Variants in DNAH10 observed in about 807,000 individuals in gnomAD.
The protein encoded by DNAH10 is axonemal beta dynein heavy chain 10.
DNAH10 carries 348 observed loss-of-function variants against 506.6 expected under a neutral mutation model. That is an observed-to-expected ratio of 0.69 (90% CI 0.63 to 0.75). DNAH10 has a LOEUF of 0.75. Among genes scored for constraint, DNAH10 ranks in the 30% least tolerant of loss-of-function variants. The probability of loss-of-function intolerance (pLI) is 0.00; values close to 1 mark genes in which losing one functional copy is unlikely to be tolerated. For synonymous variants in DNAH10, 2,059 were observed against 2,198.6 expected (o/e 0.94, Z 1.78); for missense variants, 5,179 against 5,787.1 (o/e 0.89, Z 3.41).
intron 72 of DNAH10, chr12:123,930,078 T>C (rs985420281): frequency 1.9e-6 from 1 of 521,254 alleles, no homozygotes; most frequent in Admixed American, 3.7e-5. Context: ...GGCAGTGACA[T>C]CAATTCCAAA....
rs1166969784 is a variant in DNAH10, at chr12:123,918,718, A to G, written c.11275A>G (p.Ile3759Val). 4 of 1,591,938 alleles carry G rather than the reference A, an allele frequency of 2.5e-6. No individual in the cohort carries two copies. The highest frequency in any genetic ancestry group is 3.4e-6 in the Non-Finnish European group (4 of 1,165,046). ...LKLAEKTALD[I>V]DRLRDGYRPA... ...GCTGGCGGAGAAGACAGCCTTGGAC[A>G]TCGACAGGCTGCGGGATGGCTACCG... The change falls in exon 65 of 79, where the codon ATC becomes GTC. Residue 3759 changes from isoleucine to valine, a missense_variant. By Grantham distance (29) the Ile-to-Val change is conservative (BLOSUM62 3). Transcript: ENST00000673944.
Position 123,803,719 on chromosome 12 carries a change from C to A in DNAH10, c.2673C>A (p.Val891=). ...CCATTGGGAAATTTGAGTCTCTCGTCCACCAGATTCATAAGAATGCAGATG... is the reference window on the plus strand; with the variant it reads ...CCATTGGGAAATTTGAGTCTCTCGTACACCAGATTCATAAGAATGCAGATG... The part of the protein sequence containing the change: ...KQAIGKFESL[V]HQIHKNADDI... The change falls in exon 17 of 79, where the codon GTC becomes GTA. Residue 891 remains valine (V), a synonymous_variant. Transcript: ENST00000673944. The A allele has an allele frequency of 6.2e-7, 1 of 1,611,126 alleles. No individual in the cohort carries two copies. Among genetic ancestry groups the A allele is most frequent in the South Asian group, 1.1e-5 (1 of 90,490 alleles).
chr12:123,898,107 G>A, intron 55 of DNAH10, 140 bp downstream of exon 55: 1 of 825,772 alleles, frequency 1.2e-6, no homozygotes, highest in Non-Finnish European at 1.8e-6. Context: ...TTGTGTCTTG[G>A]AGCGATTCTT....
chr12:123,868,964 T>C (rs1483617479), intron 43 of DNAH10, among the ~76,000 whole-genome samples: 1 of 152,210 alleles, frequency 6.6e-6, no homozygotes, highest in African/African-American at 2.4e-5. Flanking sequence ...CATCTGCAAT[T>C]CCCTCACTCG....
At chr12:123,829,732 A>G (rs551377167) in intron 25 of DNAH10, among the ~76,000 whole-genome samples, 11 of 151,262 alleles carry the variant, frequency 7.3e-5, no homozygotes, top group Middle Eastern at 6.8e-3. Context: ...GTGTGTTTAC[A>G]ACACTCAGTG....
In DNAH10 at chr12:123,932,093, C is replaced by T. The variant is rs149280453; in HGVS notation, c.13281C>T (p.Ser4427=). 395 of 1,613,748 alleles carry T rather than the reference C, an allele frequency of 2.4e-4. 4 individuals are homozygous for T. Among genetic ancestry groups the T allele is most frequent in the South Asian group, 2.3e-3 (213 of 91,060 alleles). ...TGGTCTACTTCCTGCGGCGGTTCAG[C>T]CAGTACATGTTGTGGGTAAGTGGCA... ...NWMVYFLRRF[S]QYMLWVTESE... Residue 4427 remains serine (S), a synonymous_variant, in exon 76 of 79, where the codon AGC becomes AGT. Coordinates refer to ENST00000673944, the MANE Select transcript of DNAH10 (RefSeq NM_001372106.1).
At chr12:123,837,955 T>C (rs1231857696) in intron 28 of DNAH10, among the ~76,000 whole-genome samples, 2 of 152,146 alleles carry the variant, frequency 1.3e-5, no homozygotes, top group African/African-American at 4.8e-5. Context: ...TTTCAATAAA[T>C]AAACATTGAA....
Position 123,805,934 on chromosome 12 carries a change from G to A in DNAH10, c.2987+894G>A, listed in dbSNP as rs560187010. On this transcript the variant is annotated intron_variant, in intron 18 of 78. Coordinates refer to ENST00000673944, the MANE Select transcript of DNAH10 (RefSeq NM_001372106.1). ...TGGGACTACAGGCGCCCACCACTAC[G>A]CCTGGCTAGTTTTTTGTATTTTTAG... Among the ~76,000 whole-genome samples the A allele has an allele frequency of 5.3e-4, 81 of 151,928 alleles. 2 individuals are homozygous for A. Among genetic ancestry groups the A allele is most frequent in the East Asian group, 7.7e-4 (4 of 5,164 alleles).
At chr12:123,921,543 C>T (rs191308272) in intron 65 of DNAH10, among the ~76,000 whole-genome samples, 4 of 152,256 alleles carry the variant, frequency 2.6e-5, no homozygotes, top group African/African-American at 7.2e-5. Context: ...TATTCACCCA[C>T]ACTTCCAAAG....
At chr12:123,771,955 CACAGG>C (rs1957269260) in intron 3 of DNAH10, among the ~76,000 whole-genome samples, 1 of 152,212 alleles carries the variant, frequency 6.6e-6, no homozygotes, top group Non-Finnish European at 1.5e-5. Flanking sequence ...AAAAAACGTG[CACAGG>C]ACAGAGACCA....
At chr12:123,792,212 C>A (rs1342533391) in intron 11 of DNAH10, among the ~76,000 whole-genome samples, 2 of 152,128 alleles carry the variant, frequency 1.3e-5, no homozygotes, top group Non-Finnish European at 2.9e-5. Context: ...AACTACAATA[C>A]CTTTCTTGGC....
intron 16 of DNAH10, among the ~76,000 whole-genome samples, chr12:123,803,140 A>G (rs578257682): frequency 4.3e-4 from 65 of 152,308 alleles, no homozygotes; most frequent in African/African-American, 1.4e-3. Context: ...AAGTCGAAGA[A>G]TCATAAGTTT....
At chr12:123,767,739 C>G (rs756429686) in intron 2 of DNAH10, 50 bp downstream of exon 2, 2 of 1,523,122 alleles carry the variant, frequency 1.3e-6, no homozygotes, top group East Asian at 4.7e-5. Flanking sequence ...AAAGCCCCCC[C>G]GCAGCGGGAG....
At chr12:123,796,624 T>C in intron 12 of DNAH10, 32 bp from the exon 13 acceptor site, 1 of 1,556,572 alleles carries the variant, frequency 6.4e-7, no homozygotes, top group Non-Finnish European at 8.7e-7. Flanking sequence ...GCGATGTTTA[T>C]CACTTACAGA....
At position 123,804,737 on chromosome 12, in the gene DNAH10, G is replaced by T. The variant is rs79641926; in HGVS notation, c.2780-96G>T. The T allele has an allele frequency of 0.035, 46,511 of 1,320,670 alleles. 950 individuals carry two copies. Among genetic ancestry groups the T allele is most frequent in the Middle Eastern group, 0.05 (183 of 3,670 alleles). The allele number at this position is 1,320,670 out of a possible 1,614,324, so 81.8% of individuals were successfully genotyped here. On this transcript the variant is annotated intron_variant, in intron 17 of 78. Coordinates refer to ENST00000673944, the MANE Select transcript of DNAH10 (RefSeq NM_001372106.1). ...GGGCTGAGGTTGGAGGCTGGTTTTGGTTTTTTTAAGACACACAGCTCATGT... is the reference window on the plus strand; with the variant it reads ...GGGCTGAGGTTGGAGGCTGGTTTTGTTTTTTTTAAGACACACAGCTCATGT...
At chr12:123,788,293 T>C (rs1957941176) in intron 10 of DNAH10, among the ~76,000 whole-genome samples, 1 of 152,148 alleles carries the variant, frequency 6.6e-6, no homozygotes, top group African/African-American at 2.4e-5. Context: ...AAAGCTCCCT[T>C]CCTCTGCCTT....
In DNAH10 at chr12:123,916,170, A is replaced by G. The variant is rs983649353; in HGVS notation, c.10723-287A>G. ...AAATTGTCAGCCTACCCCTAGTCCA[A>G]TTCCAACATCTACCCTCTCTCTTAA... On this transcript the variant is annotated intron_variant, in intron 62 of 78. Coordinates refer to ENST00000673944, the MANE Select transcript of DNAH10 (RefSeq NM_001372106.1). This position sits in a 1 kb window ranked among gnomAD's most constrained non-coding sequence, Gnocchi z 4.6. Among the ~76,000 whole-genome samples, 3 of 152,116 alleles carry G rather than the reference A, an allele frequency of 2.0e-5. No individual in the cohort carries two copies. The highest frequency in any genetic ancestry group is 4.4e-5 in the Non-Finnish European group (3 of 68,020).
chr12:123,931,256 A>C (rs551569965), intron 73 of DNAH10, 85 bp from the exon 74 acceptor site: 1 of 1,555,206 alleles, frequency 6.4e-7, no homozygotes, highest in African/African-American at 1.4e-5. Context: ...TTAGTCTTGC[A>C]TGTCTTGGAG....
intron 45 of DNAH10, among the ~76,000 whole-genome samples, chr12:123,872,425 A>AGGAG (rs1952071754): frequency 6.6e-6 from 1 of 152,116 alleles, no homozygotes; most frequent in Non-Finnish European, 1.5e-5. Flanking sequence ...AGCCTCCTTC[A>AGGAG]CAACACCCCT....
Sources: gnomAD v4.1 joint callset for allele counts (sites outside exome capture counted in the v4.1 genomes callset) on GRCh38, gnomAD v4.1.1 for gene constraint, Gnocchi (gnomAD v3.1) non-coding constraint, MANE v1.5 for transcripts, NCBI Gene and HGNC (gene_info 2026-07-23, HGNC 2026-07-21) for gene names.